IGSF5: variants seen among roughly 807,000 people sequenced by gnomAD.
The protein encoded by IGSF5 is immunoglobulin superfamily member 5.
Under a neutral mutation model 39.4 loss-of-function variants are expected in IGSF5, and 41 were observed. That is an observed-to-expected ratio of 1.04 (90% CI 0.81 to 1.35). The LOEUF is 1.35. Among genes scored for constraint, IGSF5 ranks in the 40% most tolerant of loss-of-function variants. IGSF5 has a pLI of 0.00. For synonymous variants in IGSF5, 183 were observed against 175.3 expected, an observed-to-expected ratio of 1.04 and a Z score of -0.34; for missense variants, 487 against 494.6, an observed-to-expected ratio of 0.98 and a Z score of 0.15.
At chr21:39,790,678 G>A (rs184292245) in intron 6 of IGSF5, among the ~76,000 whole-genome samples, 6 of 152,184 alleles carry the variant, frequency 3.9e-5, no homozygotes, top group East Asian at 1.9e-4. Flanking sequence ...CAACAACAAC[G>A]TCAAAAAACA....
At chr21:39,747,172 G>A (rs2079979504) in intron 2 of IGSF5, among the ~76,000 whole-genome samples, 1 of 152,202 alleles carries the variant, frequency 6.6e-6, no homozygotes, top group Admixed American at 6.5e-5. Flanking sequence ...GGCTGGGGAG[G>A]CCTCACAATC....
the IGSF5 span, among the ~76,000 whole-genome samples, chr21:39,736,852 G>A: frequency 2.6e-5 from 4 of 152,204 alleles, no homozygotes; most frequent in South Asian, 6.2e-4. Flanking sequence ...GGAGTCAGAT[G>A]GGATCAGTGC....
At chr21:39,789,064 T>G (rs1264252919) in intron 6 of IGSF5, among the ~76,000 whole-genome samples, 1 of 152,116 alleles carries the variant, frequency 6.6e-6, no homozygotes, top group East Asian at 1.9e-4. Context: ...ATTTCTCCTT[T>G]GAGGCCTGAC....
chr21:39,800,590 C>G (rs147087757), intron 8 of IGSF5, among the ~76,000 whole-genome samples: 2 of 152,210 alleles, frequency 1.3e-5, no homozygotes, highest in Admixed American at 1.3e-4. Context: ...TCAAGACTTG[C>G]TAGCATTCCA....
chr21:39,731,213 C>T, the IGSF5 span, among the ~76,000 whole-genome samples: 1 of 152,130 alleles, frequency 6.6e-6, no homozygotes, highest in East Asian at 1.9e-4. Flanking sequence ...CCAATTCTTG[C>T]ACACTTCTCT....
At chr21:39,726,891 C>G in the IGSF5 span, among the ~76,000 whole-genome samples, 1 of 152,218 alleles carries the variant, frequency 6.6e-6, no homozygotes, top group Non-Finnish European at 1.5e-5. Flanking sequence ...GTGGGATCCA[C>G]TGCTTTGACC....
chr21:39,788,289 ATT>A, intron 6 of IGSF5, 101 bp downstream of exon 6: 1 of 866,688 alleles, frequency 1.2e-6, no homozygotes, highest in Non-Finnish European at 1.8e-6. Flanking sequence ...GGATTTTTGG[ATT>A]TATGTTATCC....
rs370651959 is a variant in IGSF5 at position 39,745,234 on chromosome 21, G to A, written c.-276G>A. 3.9e-5 allele frequency among the ~76,000 whole-genome samples: 6 copies of A among 152,018 alleles called. No individual in the cohort carries two copies. Among genetic ancestry groups the A allele is most frequent in the African/African-American group, 1.2e-4 (5 of 41,446 alleles). On this transcript the variant is annotated 5_prime_UTR_variant, in exon 1 of 9. The change creates a new upstream start codon in the 5' untranslated region. Transcript: ENST00000380588. ...TTACAAACTTGGGGCCCTGGCAAGG[G>A]TGGTGGGGAATGGGTCCTGCATAAC...
the IGSF5 span, among the ~76,000 whole-genome samples, chr21:39,720,766 T>C: frequency 2.0e-5 from 3 of 152,210 alleles, no homozygotes; most frequent in African/African-American, 4.8e-5. Flanking sequence ...TTCTCATCAA[T>C]TGTGACATGT....
chr21:39,721,895 A>G, the IGSF5 span, among the ~76,000 whole-genome samples: 1 of 152,222 alleles, frequency 6.6e-6, no homozygotes, highest in African/African-American at 2.4e-5. Flanking sequence ...TCTGAGTTAT[A>G]TGGGTCAAGG....
intron 8 of IGSF5, 108 bp from the exon 9 acceptor site, chr21:39,801,154 T>C: frequency 2.6e-6 from 2 of 768,008 alleles, no homozygotes; most frequent in Non-Finnish European, 2.2e-6. Context: ...TTTGTTCCTC[T>C]CCGTACCTTA....
At chr21:39,770,309 T>C (rs148108630) in intron 3 of IGSF5, among the ~76,000 whole-genome samples, 2 of 152,288 alleles carry the variant, frequency 1.3e-5, no homozygotes, top group African/African-American at 4.8e-5. Context: ...TTCTGGCACA[T>C]GATTTGGGTT....
chr21:39,752,502 C>T (rs899272490), intron 2 of IGSF5, among the ~76,000 whole-genome samples: 1 of 152,102 alleles, frequency 6.6e-6, no homozygotes, highest in Non-Finnish European at 1.5e-5. Flanking sequence ...TTTCATGTAA[C>T]GACTTCTTTT....
chr21:39,788,008 CA>C (rs1479770065), intron 5 of IGSF5, among the ~76,000 whole-genome samples, 158 bp from the exon 6 acceptor site: 2 of 152,252 alleles, frequency 1.3e-5, no homozygotes, highest in East Asian at 3.9e-4. Flanking sequence ...GCTGGGAAGT[CA>C]TTTGATAATT....
the IGSF5 span, among the ~76,000 whole-genome samples, chr21:39,734,201 G>C: frequency 6.6e-6 from 1 of 152,124 alleles, no homozygotes; most frequent in Non-Finnish European, 1.5e-5. Context: ...AAGGCAGGTA[G>C]ATCACGAGGT....
chr21:39,790,232 G>C (rs2086955600), intron 6 of IGSF5, among the ~76,000 whole-genome samples: 1 of 152,200 alleles, frequency 6.6e-6, no homozygotes, highest in Non-Finnish European at 1.5e-5. Flanking sequence ...CTGTGAGACT[G>C]ATCCATACCG....
intron 6 of IGSF5, among the ~76,000 whole-genome samples, chr21:39,789,138 C>G (rs1455874479): frequency 6.6e-6 from 1 of 151,924 alleles, no homozygotes; most frequent in Non-Finnish European, 1.5e-5. Flanking sequence ...CTCTTGATTG[C>G]TACTACCAGC....
chr21:39,756,606 C>T (rs538128763), intron 2 of IGSF5, among the ~76,000 whole-genome samples: 24 of 151,826 alleles, frequency 1.6e-4, no homozygotes, highest in African/African-American at 5.3e-4. Flanking sequence ...AAATGAGAAC[C>T]GTCCGGGTCA....
At chr21:39,796,543 C>A (rs141976308) in intron 8 of IGSF5, among the ~76,000 whole-genome samples, 4 of 152,222 alleles carry the variant, frequency 2.6e-5, no homozygotes, top group Admixed American at 1.3e-4. Flanking sequence ...CTCAGTTTTC[C>A]TTTCATCCTC....
Sources: gnomAD v4.1 joint callset for allele counts (sites outside exome capture counted in the v4.1 genomes callset) on GRCh38, gnomAD v4.1.1 for gene constraint, MANE v1.5 for transcripts, NCBI Gene and HGNC (gene_info 2026-07-23, HGNC 2026-07-21) for gene names.